Variants in ANOS1 observed in about 807,000 individuals in gnomAD.
ANOS1 encodes the protein anosmin-1.
Under a neutral mutation model 59.0 loss-of-function variants are expected in ANOS1, and 6 were observed. The observed-to-expected ratio is 0.10, with a 90% CI of 0.06 to 0.20. The LOEUF is 0.20. ANOS1 is among the 10% of genes least tolerant of loss of function. ANOS1 has a pLI of 1.00. For synonymous variants in ANOS1, 217 were observed against 223.4 expected, an observed-to-expected ratio of 0.97 and a Z score of 0.25; for missense variants, 433 against 542.3, an observed-to-expected ratio of 0.80 and a Z score of 2.00.
At chrX:8,683,609 GGTATTTCCTTGGC>G (rs1932460578) in intron 2 of ANOS1, among the ~76,000 whole-genome samples, 1 of 111,928 alleles carries the variant, frequency 8.9e-6, no homozygotes, top group African/African-American at 3.2e-5. Context: ...GTAAAGAAGA[GGTATTTCCTTGGC>G]CAAAAATAGA....
intron 3 of ANOS1, among the ~76,000 whole-genome samples, chrX:8,606,559 G>C (rs2190558): frequency 0.38 from 42,262 of 110,781 alleles, 5,802 homozygotes; most frequent in South Asian, 0.43. Flanking sequence ...ATTTTGGGGT[G>C]TCTTTGTCTT....
chrX:8,628,053 A>G (rs1931425452), intron 2 of ANOS1, among the ~76,000 whole-genome samples: 1 of 111,416 alleles, frequency 9.0e-6, no homozygotes, highest in African/African-American at 3.3e-5. Context: ...CCCAGTGATG[A>G]AACAGGATGC....
At chrX:8,565,264 T>G (rs1259419412) in intron 8 of ANOS1, among the ~76,000 whole-genome samples, 1 of 112,313 alleles carries the variant, frequency 8.9e-6, no homozygotes, top group African/African-American at 3.2e-5. Context: ...ATGCTTATTT[T>G]ATACAATAGA....
intron 9 of ANOS1, among the ~76,000 whole-genome samples, chrX:8,541,456 A>C (rs180935198): frequency 2.4e-4 from 26 of 106,683 alleles, no homozygotes; most frequent in East Asian, 2.1e-3. Context: ...CAAAAAAAAA[A>C]CCAGAAGGTA....
Position 8,647,089 on chromosome X carries a change from A to G in ANOS1, c.256-23419T>C, listed in dbSNP as rs929780590. ...GGCAGAAATGTACTATTCATCTTGT[A>G]TAGGCAGGGTGTCTCAGCCTCCACG... On this transcript the variant is annotated intron_variant, in intron 2 of 13. Transcript: ENST00000262648. Among the ~76,000 whole-genome samples, 11 of 110,495 alleles carry G rather than the reference A, an allele frequency of 1.0e-4. 1 individual carries two copies.
intron 2 of ANOS1, among the ~76,000 whole-genome samples, chrX:8,667,875 A>G (rs1210026202): frequency 9.0e-6 from 1 of 111,120 alleles, no homozygotes; most frequent in African/African-American, 3.3e-5. Flanking sequence ...CATGAATTGT[A>G]GAGCCAGATG....
chrX:8,730,239 G>A (rs1215067075), intron 1 of ANOS1, among the ~76,000 whole-genome samples: 1 of 112,537 alleles, frequency 8.9e-6, no homozygotes, highest in East Asian at 2.8e-4. Flanking sequence ...TCTTAGGAGA[G>A]TGACTTTCAG....
At chrX:8,568,897 C>G (rs936450218) in intron 7 of ANOS1, among the ~76,000 whole-genome samples, 1 of 111,367 alleles carries the variant, frequency 9.0e-6, no homozygotes, top group Non-Finnish European at 1.9e-5. Context: ...TGTTTCTAAA[C>G]CAATTATTGG....
chrX:8,646,881 C>A (rs998100499), intron 2 of ANOS1, among the ~76,000 whole-genome samples: 6 of 99,868 alleles, frequency 6.0e-5, no homozygotes. Flanking sequence ...TATAGTGAGT[C>A]GACATTGCAC....
chrX:8,654,352 GA>G (rs1192369084), intron 2 of ANOS1, among the ~76,000 whole-genome samples: 1 of 111,736 alleles, frequency 8.9e-6, no homozygotes, highest in Non-Finnish European at 1.9e-5. Flanking sequence ...TTCCATAAAA[GA>G]AAAAAAGAAA....
chrX:8,729,712 T>TAAAAAAAAAAAAAAAAAAAAAAAA (rs1173021674), intron 1 of ANOS1, among the ~76,000 whole-genome samples: 1 of 63,087 alleles, frequency 1.6e-5, no homozygotes, highest in African/African-American at 5.9e-5. Flanking sequence ...TTCTAATTAT[T>TAAAAAAAAAAAAAAAAAAAAAAAA]AAAAAAAAAA....
chrX:8,650,703 G>A (rs1931837440), intron 2 of ANOS1, among the ~76,000 whole-genome samples: 1 of 111,674 alleles, frequency 9.0e-6, no homozygotes, highest in African/African-American at 3.3e-5. Flanking sequence ...AGGCAACAGA[G>A]TGAGTGAGAC....
chrX:8,536,627 C>T (rs757449120), intron 11 of ANOS1, 144 bp downstream of exon 11: 2 of 507,636 alleles, frequency 3.9e-6, no homozygotes, highest in East Asian at 3.7e-5. Context: ...CATCTCTTCC[C>T]TCCACATTGG....
intron 2 of ANOS1, among the ~76,000 whole-genome samples, chrX:8,651,935 G>T (rs1931856815): frequency 9.0e-6 from 1 of 111,334 alleles, no homozygotes; most frequent in South Asian, 3.8e-4. Context: ...TATTTACTTG[G>T]TTTTTTGTTT....
chrX:8,670,027 C>T (rs1170686838), intron 2 of ANOS1, among the ~76,000 whole-genome samples: 3 of 111,270 alleles, frequency 2.7e-5, no homozygotes. Flanking sequence ...GTAGAGAAAA[C>T]ATTTACTATC....
At chrX:8,667,494 G>C (rs952170859) in intron 2 of ANOS1, among the ~76,000 whole-genome samples, 8 of 111,014 alleles carry the variant, frequency 7.2e-5, no homozygotes, top group African/African-American at 2.6e-4. Flanking sequence ...CTTAATTTTA[G>C]ACAAAAACAG....
chrX:8,664,919 G>A (rs188422229), intron 2 of ANOS1, among the ~76,000 whole-genome samples: 3 of 111,667 alleles, frequency 2.7e-5, no homozygotes, highest in African/African-American at 9.8e-5. Context: ...TCACAGGTCC[G>A]CATAAGCAGA....
intron 9 of ANOS1, among the ~76,000 whole-genome samples, chrX:8,552,127 G>A (rs1410710905): frequency 2.7e-5 from 3 of 112,234 alleles, no homozygotes. Context: ...TCAGAAAAAT[G>A]CGAATTCAAA....
chrX:8,715,492 T>C (rs1168473228), intron 1 of ANOS1, among the ~76,000 whole-genome samples: 1 of 106,195 alleles, frequency 9.4e-6, no homozygotes, highest in African/African-American at 3.4e-5. Flanking sequence ...ATGCCCAGGC[T>C]GGTCTCAAAT....
Sources: allele counts gnomAD v4.1 joint callset (sites outside exome capture counted in the v4.1 genomes callset), GRCh38; gene constraint gnomAD v4.1.1; transcripts MANE v1.5; gene names NCBI Gene and HGNC (gene_info 2026-07-23, HGNC 2026-07-21).